Variants in CASP10 observed in about 807,000 individuals in gnomAD.
CASP10 encodes caspase-10.
CASP10 carries 41 observed loss-of-function variants against 48.5 expected under a neutral mutation model. That is an observed-to-expected ratio of 0.85 (90% CI 0.66 to 1.10). The LOEUF (loss-of-function observed/expected upper bound fraction) is 1.10, where lower values mean the gene tolerates loss of function less well. Ranked by LOEUF, CASP10 falls within the 50% of genes least tolerant of loss-of-function variation. CASP10 has a pLI of 0.00. For missense variants in CASP10, 614 were observed against 614.5 expected, an observed-to-expected ratio of 1.00 and a Z score of 0.01; for synonymous variants, 232 against 238.4, an observed-to-expected ratio of 0.97 and a Z score of 0.25.
At chr2:201,201,473 A>AACACACAC (rs41484150) in intron 5 of CASP10, among the ~76,000 whole-genome samples, 1 of 149,636 alleles carries the variant, frequency 6.7e-6, no homozygotes, top group South Asian at 2.1e-4. Context: ...TGCATGTAGA[A>AACACACAC]ACACACACAC....
chr2:201,188,629 T>C (rs1287567510), intron 3 of CASP10, among the ~76,000 whole-genome samples: 1 of 152,210 alleles, frequency 6.6e-6, no homozygotes. Context: ...GTTTTGCTGA[T>C]TGCACACTCG....
chr2:201,200,086 G>A lies in CASP10; in HGVS notation c.685-3644G>A, dbSNP rs573436673. On this transcript the variant is annotated intron_variant, in intron 5 of 9. Transcript: ENST00000286186. The stretch of plus-strand genomic sequence containing the variant: ...ACAGAAGTGATGTGTCTTTCTCAGG[G>A]CATCCCATCTGGAAATACGTCATGT... Among the ~76,000 whole-genome samples the A allele has an allele frequency of 7.6e-4, 116 of 152,206 alleles. No individual in the cohort carries two copies. The Middle Eastern group carries it at 0.01, about 13-fold the overall frequency.
At chr2:201,190,425 C>T (rs968541573) in intron 3 of CASP10, among the ~76,000 whole-genome samples, 2 of 152,016 alleles carry the variant, frequency 1.3e-5, no homozygotes, top group South Asian at 2.1e-4. Context: ...CTGCTTTTGC[C>T]GTAAAATTTC....
intron 5 of CASP10, chr2:201,200,496 C>G (rs1284527960): frequency 1.3e-6 from 2 of 1,598,218 alleles, no homozygotes; most frequent in African/African-American, 2.7e-5. Context: ...CGCCAGATGA[C>G]CTGTAGCTCC....
At chr2:201,205,844 G>C in intron 6 of CASP10, 38 bp from the exon 7 acceptor site, 1 of 1,190,216 alleles carries the variant, frequency 8.4e-7, no homozygotes, top group African/African-American at 1.5e-5. Flanking sequence ...CTAAGTGCTT[G>C]GGGAAGATAT....
In CASP10 at chr2:201,185,789, A is replaced by G. The variant is rs1188747238; in HGVS notation, c.12A>G (p.Gln4=). The part of the protein sequence containing the change: MKS[Q]GQHWYSSSDK... The stretch of plus-strand genomic sequence containing the variant: ...CTTTCAGGCTGGCCATGAAATCTCA[A>G]GGTCAACATTGGTATTCCAGTTCAG... The change falls in exon 2 of 10, where the codon CAA becomes CAG. Residue 4 remains glutamine, a synonymous_variant. Transcript: ENST00000286186. 1.2e-6 allele frequency: 2 copies of G among 1,613,008 alleles called. No homozygotes were observed. Among genetic ancestry groups the G allele is most frequent in the Admixed American group, 1.7e-5 (1 of 60,000 alleles).
chr2:201,209,117 C>A lies in CASP10; in HGVS notation c.970C>A (p.His324Asn). 1 of 1,594,892 alleles carries A rather than the reference C, an allele frequency of 6.3e-7. No individual in the cohort carries two copies. The highest frequency in any genetic ancestry group is 8.6e-7 in the Non-Finnish European group (1 of 1,169,586). Residue 324 changes from histidine to asparagine, a missense_variant, in exon 9 of 10, where the codon CAC becomes AAC. Transcript: ENST00000286186. ...FQWLGFTVHI[H>N]NNVTKVEMEM... is the part of the protein sequence containing the mutation. ...GTGGCTTGGGTTCACAGTGCATATACACAATAATGTGACGAAAGTGGAAAT... is the reference window on the plus strand; with the variant it reads ...GTGGCTTGGGTTCACAGTGCATATAAACAATAATGTGACGAAAGTGGAAAT...
Position 201,219,575 on chromosome 2 carries a change from T to C in CASP10, c.*1834T>C, listed in dbSNP as rs1945670108. The C allele has an allele frequency of 2.0e-6, 2 of 985,524 alleles. No homozygotes were observed. Among genetic ancestry groups the C allele is most frequent in the African/African-American group, 3.5e-5 (2 of 57,354 alleles). The allele number at this position is 985,524 out of a possible 1,614,324, so 61.0% of individuals were successfully genotyped here. A position where few individuals can be genotyped will look rare whatever the true frequency, so the allele number is the denominator to read the frequency against. ...TGAGGAGAGAGGCTGTGTCAGAAAC[T>C]GAAGCTGTTCTCAGGATCACTGGGC... On this transcript the variant is annotated 3_prime_UTR_variant, in exon 10 of 10. Transcript: ENST00000286186.
chr2:201,228,781 C>T, intron 9 of CASP10: 13 of 686,714 alleles, frequency 1.9e-5, no homozygotes, highest in Non-Finnish European at 2.6e-6. Flanking sequence ...TAGACTGCTC[C>T]ATTACTGATG....
intron 9 of CASP10, among the ~76,000 whole-genome samples, chr2:201,227,834 C>T (rs1053942597): frequency 7.3e-5 from 11 of 150,630 alleles, no homozygotes; most frequent in Non-Finnish European, 1.3e-4. Context: ...GCTGGGATTA[C>T]AGGTGTGAGC....
Position 201,218,480 on chromosome 2 carries a change from T to C in CASP10, c.*739T>C, listed in dbSNP as rs559831804. On this transcript the variant is annotated 3_prime_UTR_variant, in exon 10 of 10. Coordinates refer to ENST00000286186, the MANE Select transcript of CASP10 (RefSeq NM_032977.4). ...CATGCACAGCTAACTTTTTATTTTT[T>C]TTGTGGAGATGGGGTTTCACTATGT... The C allele has an allele frequency of 5.6e-5, 39 of 692,830 alleles. No individual in the cohort carries two copies. The African/African-American group carries it at 7.5e-4, about 13-fold the overall frequency. 42.9% of individuals were successfully genotyped at this position (692,830 alleles called of 1,614,324 possible).
chr2:201,187,712 G>A lies in CASP10; in HGVS notation c.354G>A (p.Leu118=). The A allele has an allele frequency of 6.2e-7, 1 of 1,613,448 alleles. No individual in the cohort carries two copies. The highest frequency in any genetic ancestry group is 1.1e-5 in the South Asian group (1 of 91,082). The change falls in exon 3 of 10, where the codon CTG becomes CTA. Residue 118 remains leucine (L), a synonymous_variant. Transcript: ENST00000286186. ...TTTTGGGTGTGTGTCTTAGAAACCTGCTCTACGAACTGTCAGAAGGCATTG... is the reference window on the plus strand; with the variant it reads ...TTTTGGGTGTGTGTCTTAGAAACCTACTCTACGAACTGTCAGAAGGCATTG... ...TRQRVSLFRN[L]LYELSEGIDS...
intron 1 of CASP10, among the ~76,000 whole-genome samples, chr2:201,184,865 A>G (rs1390335749): frequency 6.6e-6 from 1 of 152,168 alleles, no homozygotes; most frequent in South Asian, 2.1e-4. Context: ...TTAGAGAAGT[A>G]AAGAAACAAA....
Position 201,187,698 on chromosome 2 carries a change from T to G in CASP10, c.348-8T>G. 6.2e-7 allele frequency: 1 copy of G among 1,607,638 alleles called. No individual in the cohort carries two copies. The highest frequency in any genetic ancestry group is 8.5e-7 in the Non-Finnish European group (1 of 1,174,090). On this transcript the variant is annotated splice_polypyrimidine_tract_variant and splice_region_variant and intron_variant, in intron 2 of 9. Transcript: ENST00000286186. ...GGCTTTATTTGTCATTTTGGGTGTG[T>G]GTCTTAGAAACCTGCTCTACGAACT...
At position 201,208,087 on chromosome 2, in the gene CASP10, T is replaced by C; in HGVS notation, c.826T>C (p.Tyr276His). 3 of 1,613,216 alleles carry C rather than the reference T, an allele frequency of 1.9e-6. No homozygotes were observed. Among genetic ancestry groups the C allele is most frequent in the Non-Finnish European group, 2.5e-6 (3 of 1,179,254 alleles). The change falls in exon 8 of 10, where the codon TAC becomes CAC. Residue 276 changes from tyrosine to histidine, a missense_variant. By Grantham distance (83) the Tyr-to-His change is moderately conservative (BLOSUM62 2). Coordinates refer to ENST00000286186, the MANE Select transcript of CASP10 (RefSeq NM_032977.4). The stretch of plus-strand genomic sequence containing the variant: ...TCTATTCTTCAAGAGGGCAGCTGTG[T>C]ACAGGATGAATCGGAACCACAGAGG... ...SETSTKRAAV[Y>H]RMNRNHRGLC...
chr2:201,202,317 C>CTCATTCAT (rs1380955326), intron 5 of CASP10, among the ~76,000 whole-genome samples: 2 of 152,184 alleles, frequency 1.3e-5, no homozygotes, highest in Admixed American at 1.3e-4. Context: ...GGGACATTCA[C>CTCATTCAT]TCATTCATTC....
Position 201,219,851 on chromosome 2 carries a change from G to T in CASP10, c.*2110G>T. 1 of 985,328 alleles carries T rather than the reference G, an allele frequency of 1.0e-6. No homozygotes were observed. Among genetic ancestry groups the T allele is most frequent in the African/African-American group, 1.7e-5 (1 of 57,322 alleles). The allele number at this position is 985,328 out of a possible 1,614,324, so 61.0% of individuals were successfully genotyped here. ...TTCATTTATAGATGAGGCAGCTGAG[G>T]CCTGGGGATGTGAACAACCTGCTCA... is the stretch of plus-strand genomic sequence containing the variant. On this transcript the variant is annotated 3_prime_UTR_variant, in exon 10 of 10. Coordinates refer to ENST00000286186, the MANE Select transcript of CASP10 (RefSeq NM_032977.4).
intron 5 of CASP10, among the ~76,000 whole-genome samples, chr2:201,200,068 T>C (rs1944957633): frequency 6.6e-6 from 1 of 152,210 alleles, no homozygotes; most frequent in Non-Finnish European, 1.5e-5. Flanking sequence ...ATCACAGAAG[T>C]GATGTGTCTT....
intron 5 of CASP10, among the ~76,000 whole-genome samples, chr2:201,196,490 C>T (rs1012378230): frequency 2.6e-5 from 4 of 152,104 alleles, no homozygotes; most frequent in African/African-American, 4.8e-5. Context: ...GAAGGGGAAA[C>T]GTTGGGAGAA....
Sources: allele counts gnomAD v4.1 joint callset (sites outside exome capture counted in the v4.1 genomes callset), GRCh38; gene constraint gnomAD v4.1.1; transcripts MANE v1.5; gene names NCBI Gene and HGNC (gene_info 2026-07-23, HGNC 2026-07-21).